CHRM3: variants seen among roughly 807,000 people sequenced by gnomAD.
CHRM3 encodes muscarinic acetylcholine receptor M3.
Under a neutral mutation model 41.8 loss-of-function variants are expected in CHRM3, and 11 were observed. The observed-to-expected ratio is 0.26, with a 90% CI of 0.17 to 0.44. CHRM3 has a LOEUF of 0.44. Among genes scored for constraint, CHRM3 ranks in the 20% least tolerant of loss-of-function variants. The probability of loss-of-function intolerance (pLI) is 1.00; values close to 1 mark genes in which losing one functional copy is unlikely to be tolerated. For missense variants in CHRM3, 571 were observed against 745.4 expected (o/e 0.77, Z 2.72); for synonymous variants, 297 against 301.4 (o/e 0.99, Z 0.15).
At chr1:239,539,791 T>TTC (rs1271477986) in intron 2 of CHRM3, among the ~76,000 whole-genome samples, 1 of 151,326 alleles carries the variant, frequency 6.6e-6, no homozygotes, top group Admixed American at 6.6e-5. Flanking sequence ...ATTTTGGCAT[T>TTC]TTTTTAGTAG....
chr1:239,500,585 G>T (rs1310816264), intron 2 of CHRM3, among the ~76,000 whole-genome samples: 1 of 151,386 alleles, frequency 6.6e-6, no homozygotes, highest in Non-Finnish European at 1.5e-5. Flanking sequence ...CCTGCATGTT[G>T]TGCACATGTA....
chr1:239,874,608 C>T (rs907879509), intron 6 of CHRM3, among the ~76,000 whole-genome samples: 9 of 151,564 alleles, frequency 5.9e-5, no homozygotes, highest in African/African-American at 2.2e-4. Context: ...CACACACACA[C>T]ATTCAATGGT....
At chr1:239,483,989 C>T (rs1264495459) in intron 1 of CHRM3, among the ~76,000 whole-genome samples, 1 of 152,194 alleles carries the variant, frequency 6.6e-6, no homozygotes, top group Non-Finnish European at 1.5e-5. Flanking sequence ...TGTTGAAAAA[C>T]ATAATGCTAT....
At chr1:239,826,451 C>A (rs1672470480) in intron 5 of CHRM3, among the ~76,000 whole-genome samples, 1 of 152,148 alleles carries the variant, frequency 6.6e-6, no homozygotes, top group African/African-American at 2.4e-5. Flanking sequence ...TCTTCAGCAT[C>A]AGTGCATCTC....
At chr1:239,429,788 T>G (rs1303551048) in intron 1 of CHRM3, among the ~76,000 whole-genome samples, 5 of 151,882 alleles carry the variant, frequency 3.3e-5, no homozygotes, top group East Asian at 1.9e-4. Context: ...AGGGAGTTTT[T>G]TTTTTTTTTT....
chr1:239,636,705 T>C (rs186182339), intron 4 of CHRM3, among the ~76,000 whole-genome samples: 2 of 152,268 alleles, frequency 1.3e-5, no homozygotes, highest in Admixed American at 6.5e-5. Flanking sequence ...AGGAGAAAAA[T>C]CTGTTTTTAA....
intron 1 of CHRM3, among the ~76,000 whole-genome samples, chr1:239,399,548 T>C (rs1245159300): frequency 6.6e-6 from 1 of 152,194 alleles, no homozygotes; most frequent in Non-Finnish European, 1.5e-5. Context: ...CTACTCTTCA[T>C]CTATAAGTTC....
intron 1 of CHRM3, among the ~76,000 whole-genome samples, chr1:239,397,234 G>A (rs948711260): frequency 2.6e-5 from 4 of 152,082 alleles, no homozygotes; most frequent in Admixed American, 1.3e-4. Flanking sequence ...TGAAATGTAA[G>A]TTTTCAAATT....
rs553957057 is a variant in CHRM3 at position 239,820,433 on chromosome 1, T to C, written c.-146-6819T>C. ...TCTATCCCGATATGTTGGCAGACTT[T>C]CGTCTTCCCTCCTGCGATATCTGTT... On this transcript the variant is annotated intron_variant, in intron 5 of 6. Transcript: ENST00000676153. Among the ~76,000 whole-genome samples, 4 of 152,338 alleles carry C rather than the reference T, an allele frequency of 2.6e-5. No homozygotes were observed. The South Asian group carries it at 8.3e-4, about 32-fold the overall frequency.
At chr1:239,683,109 C>T (rs777493052) in intron 5 of CHRM3, among the ~76,000 whole-genome samples, 2 of 152,056 alleles carry the variant, frequency 1.3e-5, no homozygotes, top group Non-Finnish European at 2.9e-5. Context: ...TTACTTTGTA[C>T]ACGTTGACCA....
intron 4 of CHRM3, among the ~76,000 whole-genome samples, chr1:239,645,104 G>A (rs549137954): frequency 1.0e-3 from 158 of 152,230 alleles, no homozygotes; most frequent in African/African-American, 2.5e-3. Flanking sequence ...TGGCAGAGCC[G>A]CCCTCAGCCG....
At chr1:239,621,410 G>A (rs556548660) in intron 3 of CHRM3, among the ~76,000 whole-genome samples, 6 of 152,252 alleles carry the variant, frequency 3.9e-5, no homozygotes, top group African/African-American at 1.2e-4. Flanking sequence ...TAGAAATAAC[G>A]AAGCTGAGTG....
chr1:239,797,830 C>T (rs912843888), intron 5 of CHRM3, among the ~76,000 whole-genome samples: 2 of 152,028 alleles, frequency 1.3e-5, no homozygotes, highest in African/African-American at 4.8e-5. Context: ...GGAGGATCAC[C>T]TGAGCCCGGG....
At chr1:239,411,704 G>A (rs866421025) in intron 1 of CHRM3, among the ~76,000 whole-genome samples, 13 of 116,566 alleles carry the variant, frequency 1.1e-4, no homozygotes, top group East Asian at 5.5e-4. Flanking sequence ...CAGCCTGGGC[G>A]ACAGAGCCTC....
At chr1:239,394,161 T>C (rs1032568991) in intron 1 of CHRM3, among the ~76,000 whole-genome samples, 1 of 152,222 alleles carries the variant, frequency 6.6e-6, no homozygotes, top group Non-Finnish European at 1.5e-5. Context: ...CGTGAATTTC[T>C]TAGGTTTTAA....
intron 4 of CHRM3, among the ~76,000 whole-genome samples, chr1:239,656,115 CA>C (rs1241731310): frequency 6.7e-6 from 1 of 150,360 alleles, no homozygotes; most frequent in Non-Finnish European, 1.5e-5. Context: ...CAAATGGGCA[CA>C]AAGAAGGAAA....
chr1:239,834,666 G>A (rs1257476362), intron 6 of CHRM3, among the ~76,000 whole-genome samples: 4 of 152,150 alleles, frequency 2.6e-5, no homozygotes, highest in African/African-American at 9.7e-5. Flanking sequence ...GGCAGAAAGT[G>A]TAGCTGTCTT....
chr1:239,633,995 A>G (rs1314063641), intron 4 of CHRM3, among the ~76,000 whole-genome samples: 1 of 152,192 alleles, frequency 6.6e-6, no homozygotes, highest in Non-Finnish European at 1.5e-5. Context: ...TAAGTCGAGT[A>G]TTTTTATTTC....
At chr1:239,859,416 G>T (rs12748207) in intron 6 of CHRM3, among the ~76,000 whole-genome samples, 5,321 of 112,072 alleles carry the variant, frequency 0.047, 133 homozygotes, top group East Asian at 0.072. Flanking sequence ...TGTTGTTGTT[G>T]TTGTTTTTTT....
Sources: gnomAD v4.1 joint callset for allele counts (sites outside exome capture counted in the v4.1 genomes callset) on GRCh38, gnomAD v4.1.1 for gene constraint, MANE v1.5 for transcripts, NCBI Gene and HGNC (gene_info 2026-07-23, HGNC 2026-07-21) for gene names.